Variants in CACNA2D1 observed in about 807,000 individuals in gnomAD.
CACNA2D1 encodes voltage-dependent calcium channel subunit alpha-2/delta-1.
Under a neutral mutation model 171.5 loss-of-function variants are expected in CACNA2D1, and 53 were observed. The observed-to-expected ratio is 0.31, with a 90% CI of 0.25 to 0.39. The LOEUF (loss-of-function observed/expected upper bound fraction) is 0.39, where lower values mean the gene tolerates loss of function less well. Among genes scored for constraint, CACNA2D1 ranks in the 10% least tolerant of loss-of-function variants. The pLI, the probability that CACNA2D1 is intolerant of heterozygous loss-of-function variation, is 1.00. For missense variants in CACNA2D1, 903 were observed against 1,299.8 expected, an observed-to-expected ratio of 0.69 and a Z score of 4.69; for synonymous variants, 442 against 443.1, an observed-to-expected ratio of 1.00 and a Z score of 0.03.
At chr7:82,136,458 A>G (rs912802499) in intron 5 of CACNA2D1, among the ~76,000 whole-genome samples, 177 bp downstream of exon 5, 2 of 152,008 alleles carry the variant, frequency 1.3e-5, no homozygotes, top group Non-Finnish European at 2.9e-5. Context: ...GAAGATGCCA[A>G]GAATAAGTTG....
At chr7:81,992,327 T>A (rs779753882) in intron 20 of CACNA2D1, among the ~76,000 whole-genome samples, 1 of 152,026 alleles carries the variant, frequency 6.6e-6, no homozygotes, top group Non-Finnish European at 1.5e-5. Flanking sequence ...GATGAAGAAA[T>A]AAGTGTTAAA....
chr7:82,059,174 A>G (rs1309463935), intron 10 of CACNA2D1, among the ~76,000 whole-genome samples: 1 of 152,052 alleles, frequency 6.6e-6, no homozygotes, highest in Non-Finnish European at 1.5e-5. Flanking sequence ...CTTACCACAA[A>G]TTCCTCGTCT....
intron 4 of CACNA2D1, among the ~76,000 whole-genome samples, chr7:82,169,684 G>A (rs1482205964): frequency 4.6e-5 from 7 of 152,044 alleles, no homozygotes; most frequent in Non-Finnish European, 7.4e-5. Context: ...TTAAGCTGTC[G>A]CTCACATTCT....
intron 1 of CACNA2D1, among the ~76,000 whole-genome samples, chr7:82,395,576 T>C (rs1296954439): frequency 6.6e-6 from 1 of 152,228 alleles, no homozygotes; most frequent in African/African-American, 2.4e-5. Context: ...TGATAAAATG[T>C]GTATTCTAAA....
chr7:82,064,858 T>A (rs1442770621), intron 8 of CACNA2D1, among the ~76,000 whole-genome samples: 4 of 152,226 alleles, frequency 2.6e-5, no homozygotes, highest in African/African-American at 9.6e-5. Context: ...AGAACTTCAA[T>A]GGCTCTCAAA....
intron 4 of CACNA2D1, among the ~76,000 whole-genome samples, chr7:82,161,091 A>G (rs955606749): frequency 6.6e-6 from 1 of 152,054 alleles, no homozygotes; most frequent in African/African-American, 2.4e-5. Flanking sequence ...ATAGTTGTGG[A>G]AAAGTCTGAT....
At chr7:82,374,160 A>C (rs549125158) in intron 1 of CACNA2D1, among the ~76,000 whole-genome samples, 9 of 152,316 alleles carry the variant, frequency 5.9e-5, no homozygotes, top group African/African-American at 2.2e-4. Context: ...AAATGTTTTA[A>C]GGTCAGAAGA....
At chr7:82,306,418 TAAG>T (rs1010294444) in intron 3 of CACNA2D1, among the ~76,000 whole-genome samples, 1 of 152,190 alleles carries the variant, frequency 6.6e-6, no homozygotes, top group Admixed American at 6.5e-5. Flanking sequence ...AATTGTGTCT[TAAG>T]AAGAAGTTCC....
At chr7:82,373,878 C>T (rs546117798) in intron 1 of CACNA2D1, among the ~76,000 whole-genome samples, 1 of 152,322 alleles carries the variant, frequency 6.6e-6, no homozygotes, top group African/African-American at 2.4e-5. Context: ...ATTGGTGTTT[C>T]ACTTGCTTCT....
chr7:81,985,680 T>C (rs1796895011), intron 21 of CACNA2D1, among the ~76,000 whole-genome samples: 1 of 152,196 alleles, frequency 6.6e-6, no homozygotes, highest in Non-Finnish European at 1.5e-5. Context: ...AACTAAGTCA[T>C]AGTATTTATT....
chr7:81,983,960 T>C (rs892463452), intron 22 of CACNA2D1, among the ~76,000 whole-genome samples: 6 of 152,154 alleles, frequency 3.9e-5, no homozygotes, highest in Non-Finnish European at 2.9e-5. Flanking sequence ...GCAAAGGATA[T>C]GATGGTCATT....
intron 14 of CACNA2D1, 28 bp downstream of exon 14, chr7:82,013,433 A>G (rs759847800): frequency 4.0e-6 from 4 of 990,430 alleles, no homozygotes; most frequent in African/African-American, 3.4e-5. Flanking sequence ...TGAAAAAAAT[A>G]ATTTAAACAA....
At chr7:82,353,801 T>G (rs1820115185) in intron 1 of CACNA2D1, among the ~76,000 whole-genome samples, 1 of 152,026 alleles carries the variant, frequency 6.6e-6, no homozygotes, top group Non-Finnish European at 1.5e-5. Flanking sequence ...TTAATAGAAG[T>G]GAGCCTATTT....
chr7:82,202,472 G>T (rs1198149015), intron 3 of CACNA2D1, among the ~76,000 whole-genome samples: 3 of 152,124 alleles, frequency 2.0e-5, no homozygotes, highest in African/African-American at 7.2e-5. Context: ...TGCTCGGATG[G>T]GATCCAGTGG....
intron 3 of CACNA2D1, among the ~76,000 whole-genome samples, chr7:82,258,550 C>A (rs1449996845): frequency 6.6e-6 from 1 of 152,154 alleles, no homozygotes; most frequent in Non-Finnish European, 1.5e-5. Context: ...CACTAGTACT[C>A]TGACAAACCA....
At chr7:82,161,101 T>C (rs1443997960) in intron 4 of CACNA2D1, among the ~76,000 whole-genome samples, 2 of 152,010 alleles carry the variant, frequency 1.3e-5, no homozygotes, top group Middle Eastern at 3.2e-3. Flanking sequence ...AAAAGTCTGA[T>C]TGGATTAAAA....
intron 3 of CACNA2D1, among the ~76,000 whole-genome samples, chr7:82,216,134 A>G (rs1314723198): frequency 1.3e-5 from 2 of 152,144 alleles, no homozygotes; most frequent in Non-Finnish European, 2.9e-5. Context: ...TTATACAGAG[A>G]CTTGTAAATA....
chr7:82,138,039 T>C (rs1213576748), intron 4 of CACNA2D1, among the ~76,000 whole-genome samples: 1 of 152,186 alleles, frequency 6.6e-6, no homozygotes, highest in Non-Finnish European at 1.5e-5. Flanking sequence ...CATGATCATA[T>C]GACTTTAGAA....
intron 11 of CACNA2D1, among the ~76,000 whole-genome samples, chr7:82,033,614 A>G (rs1215475943): frequency 6.6e-6 from 1 of 151,998 alleles, no homozygotes; most frequent in Non-Finnish European, 1.5e-5. Context: ...AAATGCTGAT[A>G]CCTATTCCCA....
Sources: gnomAD v4.1 joint callset for allele counts (sites outside exome capture counted in the v4.1 genomes callset) on GRCh38, gnomAD v4.1.1 for gene constraint, MANE v1.5 for transcripts, NCBI Gene and HGNC (gene_info 2026-07-23, HGNC 2026-07-21) for gene names.